Variants in C6orf163 observed in about 807,000 individuals in gnomAD.
C6orf163 encodes uncharacterized protein C6orf163.
C6orf163 carries 22 observed loss-of-function variants against 28.4 expected under a neutral mutation model. The observed-to-expected ratio is 0.78, with a 90% CI of 0.55 to 1.11. The LOEUF (loss-of-function observed/expected upper bound fraction) is 1.11. Among genes scored for constraint, C6orf163 ranks in the 50% least tolerant of loss-of-function variants. C6orf163 has a pLI of 0.00. For missense variants in C6orf163, 342 were observed against 389.1 expected (o/e 0.88, Z 1.02); for synonymous variants, 110 against 123.6 (o/e 0.89, Z 0.73).
intron 3 of C6orf163, among the ~76,000 whole-genome samples, chr6:87,353,582 G>GA (rs1001261350): frequency 7.3e-5 from 11 of 151,562 alleles, no homozygotes; most frequent in Admixed American, 4.6e-4. Context: ...ATTTCATTCT[G>GA]AAAAAAAATA....
At chr6:87,352,119 C>T (rs242267) in intron 3 of C6orf163, among the ~76,000 whole-genome samples, 57,082 of 151,986 alleles carry the variant, frequency 0.38, 12,186 homozygotes, top group Non-Finnish European at 0.48. Flanking sequence ...AATATTTGTC[C>T]GGGGGTTGAG....
chr6:87,354,098 G>A (rs747769221), intron 3 of C6orf163, among the ~76,000 whole-genome samples: 3 of 151,982 alleles, frequency 2.0e-5, no homozygotes, highest in Admixed American at 6.6e-5. Flanking sequence ...GCCTCCAATC[G>A]TCTGCCCTCC....
intron 4 of C6orf163, 142 bp downstream of exon 4, chr6:87,356,645 G>A (rs1328950041): frequency 5.5e-6 from 4 of 725,860 alleles, no homozygotes; most frequent in Non-Finnish European, 9.0e-6. Flanking sequence ...ACCAAACATA[G>A]GGAACAATTT....
intron 3 of C6orf163, among the ~76,000 whole-genome samples, chr6:87,350,933 G>A (rs556668111): frequency 1.3e-5 from 2 of 152,338 alleles, no homozygotes; most frequent in South Asian, 2.1e-4. Flanking sequence ...CTTAGTAGGT[G>A]CTCAAATAGT....
intron 4 of C6orf163, among the ~76,000 whole-genome samples, chr6:87,364,375 G>A (rs1417216300): frequency 2.0e-5 from 3 of 152,024 alleles, no homozygotes; most frequent in African/African-American, 7.2e-5. Flanking sequence ...TTTTAAAAAT[G>A]TCTCCCTTTT....
chr6:87,351,347 T>C (rs148837994), intron 3 of C6orf163, among the ~76,000 whole-genome samples: 3 of 152,290 alleles, frequency 2.0e-5, no homozygotes, highest in Non-Finnish European at 4.4e-5. Flanking sequence ...TAATGAGCAG[T>C]TCAGGGACTG....
chr6:87,359,231 G>A (rs1777548269), intron 4 of C6orf163: 2 of 152,306 alleles, frequency 1.3e-5, no homozygotes, highest in Admixed American at 6.5e-5. Context: ...TTAGTCGTGG[G>A]TTGGGCCTTA....
intron 3 of C6orf163, among the ~76,000 whole-genome samples, chr6:87,354,002 C>G (rs1371010719): frequency 6.6e-6 from 1 of 152,134 alleles, no homozygotes; most frequent in African/African-American, 2.4e-5. Flanking sequence ...CAAGTGTGCA[C>G]CACCACACCC....
In C6orf163 at chr6:87,356,472, A is replaced by G. The variant is rs759494801; in HGVS notation, c.523A>G (p.Ile175Val). Residue 175 changes from isoleucine (I) to valine (V), a missense_variant, in exon 4 of 5, where the codon ATC becomes GTC. Physicochemically the swap from Ile to Val is conservative, Grantham distance 29. Coordinates refer to ENST00000388923, the MANE Select transcript of C6orf163 (RefSeq NM_001010868.3). ...VEKARAEERH[I>V]AQEAIQAQKS... ...GAAAGCCAGGGCTGAAGAAAGACAC[A>G]TCGCCCAGGAAGCAATCCAGGCCCA... 482 of 1,551,652 alleles carry G rather than the reference A, an allele frequency of 3.1e-4. 1 individual carries two copies. The highest frequency in any genetic ancestry group is 4.0e-4 in the Non-Finnish European group (457 of 1,147,000).
At chr6:87,352,124 G>C (rs368820277) in intron 3 of C6orf163, among the ~76,000 whole-genome samples, 1 of 152,174 alleles carries the variant, frequency 6.6e-6, no homozygotes, top group African/African-American at 2.4e-5. Flanking sequence ...TTGTCCGGGG[G>C]TTGAGAATTT....
At chr6:87,348,701 C>T in intron 1 of C6orf163, 111 bp from the exon 2 acceptor site, 1 of 1,452,196 alleles carries the variant, frequency 6.9e-7, no homozygotes, top group Non-Finnish European at 9.0e-7. Flanking sequence ...CTGGCATCTC[C>T]TAAAAGGACG....
chr6:87,356,222 A>G (rs553867197), intron 3 of C6orf163, 79 bp from the exon 4 acceptor site: 6 of 1,136,594 alleles, frequency 5.3e-6, no homozygotes, highest in East Asian at 2.6e-5. Context: ...AGATAAAACT[A>G]TGGTTTAAAT....
rs944948470 is a variant in C6orf163, at chr6:87,348,599, G to T, written c.149-213G>T. ...GTGGACTGGGTGTGATGAGGGGAAT[G>T]ACCAACTCTATCCAGGCCTGACAGT... On this transcript the variant is annotated intron_variant, in intron 1 of 4. Transcript: ENST00000388923. 7.5e-6 allele frequency: 10 copies of T among 1,329,700 alleles called. No homozygotes were observed. The African/African-American group carries it at 1.5e-4, about 20-fold the overall frequency. 82.4% of individuals were successfully genotyped at this position (1,329,700 alleles called of 1,614,324 possible).
rs777921438 is a variant in C6orf163 at position 87,364,979 on chromosome 6, T to C, written c.573T>C (p.Ile191=). The C allele has an allele frequency of 1.3e-4, 199 of 1,544,300 alleles. No individual in the cohort carries two copies. Among genetic ancestry groups the C allele is most frequent in the Non-Finnish European group, 1.7e-4 (192 of 1,142,300 alleles). ...QAQKSKAVEE[I]VNTGVTVIKD... Reference sequence around the variant, plus strand: ...TTTGTAGCAAAGCCGTGGAGGAAATTGTGAATACTGGTGTCACAGTTATTA... The same window carrying C: ...TTTGTAGCAAAGCCGTGGAGGAAATCGTGAATACTGGTGTCACAGTTATTA... Residue 191 remains isoleucine, a synonymous_variant, in exon 5 of 5, where the codon ATT becomes ATC. Transcript: ENST00000388923.
chr6:87,356,216 A>G (rs1777499083), intron 3 of C6orf163, 85 bp from the exon 4 acceptor site: 1 of 1,092,690 alleles, frequency 9.2e-7, no homozygotes, highest in East Asian at 2.6e-5. Flanking sequence ...GCAGATAGAT[A>G]AAACTATGGT....
rs543032921 is a variant in C6orf163, at chr6:87,356,135, T to C, written c.352-166T>C. On this transcript the variant is annotated intron_variant, in intron 3 of 4. Transcript: ENST00000388923. ...TACATTTTTGGTTCACCTAACATCA[T>C]ATAAATAAAAGTTTTCCATATCATA... 6.5e-6 allele frequency: 4 copies of C among 617,174 alleles called. No individual in the cohort carries two copies. The Admixed American group carries it at 9.0e-5, about 14-fold the overall frequency. The allele number at this position is 617,174 out of a possible 1,614,324, so 38.2% of individuals were successfully genotyped here.
intron 3 of C6orf163, among the ~76,000 whole-genome samples, chr6:87,355,233 A>G (rs1172005787): frequency 2.0e-5 from 3 of 152,098 alleles, no homozygotes; most frequent in African/African-American, 7.2e-5. Context: ...TAATTTCTCT[A>G]TGTTCTTTTG....
intron 2 of C6orf163, among the ~76,000 whole-genome samples, chr6:87,349,211 G>A (rs1027241338): frequency 6.6e-6 from 1 of 152,124 alleles, no homozygotes; most frequent in Non-Finnish European, 1.5e-5. Context: ...CCTCTCTGTA[G>A]GGAGGACTCC....
chr6:87,353,283 A>G (rs1316981184), intron 3 of C6orf163, among the ~76,000 whole-genome samples: 1 of 152,184 alleles, frequency 6.6e-6, no homozygotes, highest in Non-Finnish European at 1.5e-5. Flanking sequence ...TCAATAATTT[A>G]TTGTACATTT....
Sources: gnomAD v4.1 joint callset for allele counts (sites outside exome capture counted in the v4.1 genomes callset) on GRCh38, gnomAD v4.1.1 for gene constraint, MANE v1.5 for transcripts, NCBI Gene and HGNC (gene_info 2026-07-23, HGNC 2026-07-21) for gene names.